COLEC12: variants seen among roughly 807,000 people sequenced by gnomAD.
COLEC12 encodes the protein collectin-12.
Under a neutral mutation model 71.1 loss-of-function variants are expected in COLEC12, and 33 were observed. The observed-to-expected ratio is 0.46, with a 90% CI of 0.35 to 0.62. COLEC12 has a LOEUF of 0.62. Ranked by LOEUF, COLEC12 falls within the 20% of genes least tolerant of loss-of-function variation. The pLI, the probability that COLEC12 is intolerant of heterozygous loss-of-function variation, is 0.00. For synonymous variants in COLEC12, 350 were observed against 353.0 expected (o/e 0.99, Z 0.10); for missense variants, 765 against 916.1 (o/e 0.84, Z 2.13).
At chr18:368,797 C>T (rs549139846) in intron 2 of COLEC12, among the ~76,000 whole-genome samples, 14 of 152,236 alleles carry the variant, frequency 9.2e-5, no homozygotes, top group Admixed American at 2.0e-4. Flanking sequence ...ACCCGGGAGG[C>T]GGAGCTTGCA....
intron 5 of COLEC12, among the ~76,000 whole-genome samples, chr18:343,728 G>A (rs746849014): frequency 3.9e-5 from 6 of 152,062 alleles, no homozygotes; most frequent in Non-Finnish European, 7.3e-5. Flanking sequence ...GCCTGGGCTC[G>A]GATTCCACTG....
intron 1 of COLEC12, among the ~76,000 whole-genome samples, chr18:489,937 G>C (rs1465015036): frequency 1.3e-5 from 2 of 152,194 alleles, no homozygotes; most frequent in African/African-American, 4.8e-5. Flanking sequence ...GAGATACGGG[G>C]GCCATGGCAG....
intron 2 of COLEC12, among the ~76,000 whole-genome samples, chr18:395,595 T>A (rs1915553423): frequency 6.6e-6 from 1 of 152,198 alleles, no homozygotes; most frequent in African/African-American, 2.4e-5. Context: ...GTACTGTACT[T>A]GGGGAAATTA....
intron 2 of COLEC12, among the ~76,000 whole-genome samples, chr18:479,084 T>G (rs947032199): frequency 2.2e-4 from 34 of 152,338 alleles, no homozygotes; most frequent in African/African-American, 7.9e-4. Context: ...CACATTTATT[T>G]TGCCTTATTT....
At chr18:361,726 G>A (rs1157813398) in intron 2 of COLEC12, among the ~76,000 whole-genome samples, 2 of 152,200 alleles carry the variant, frequency 1.3e-5, no homozygotes, top group South Asian at 2.1e-4. Context: ...ATTCCATGCT[G>A]AGAAACCATG....
chr18:376,844 A>T (rs1312093046), intron 2 of COLEC12, among the ~76,000 whole-genome samples: 1 of 152,212 alleles, frequency 6.6e-6, no homozygotes, highest in Non-Finnish European at 1.5e-5. Flanking sequence ...GGCACCTATG[A>T]TTATCATGAA....
intron 2 of COLEC12, among the ~76,000 whole-genome samples, chr18:372,569 C>T (rs1915023800): frequency 6.6e-6 from 1 of 152,052 alleles, no homozygotes; most frequent in Non-Finnish European, 1.5e-5. Flanking sequence ...ATGTGTGCAC[C>T]ACCAGGCCCA....
rs1263631595 is a variant in COLEC12, at chr18:319,337, A to ATATATATATATAT, written c.*707_*708insATATATATATATA. On this transcript the variant is annotated 3_prime_UTR_variant, in exon 10 of 10. Transcript: ENST00000400256. ...ATGAAACATTAAAAAAAAAAAAAAA[A>ATATATATATATAT]AAAAATATATATATATATATATATA... 9 of 36,394 alleles carry ATATATATATATAT rather than the reference A, an allele frequency of 2.5e-4. No homozygotes were observed. Among genetic ancestry groups the ATATATATATATAT allele is most frequent in the Non-Finnish European group, 6.0e-4 (8 of 13,328 alleles). 2.3% of individuals were successfully genotyped at this position (36,394 alleles called of 1,614,324 possible).
At chr18:357,002 G>T (rs983496870) in intron 3 of COLEC12, among the ~76,000 whole-genome samples, 3 of 152,118 alleles carry the variant, frequency 2.0e-5, no homozygotes, top group Non-Finnish European at 2.9e-5. Flanking sequence ...TATCTCTGGA[G>T]ATCTTGTGTT....
chr18:443,092 T>C (rs561531712), intron 2 of COLEC12, among the ~76,000 whole-genome samples: 3 of 152,400 alleles, frequency 2.0e-5, no homozygotes, highest in South Asian at 2.1e-4. Context: ...TGACTGTTCA[T>C]TAATTTTCTA....
chr18:371,950 ACGTGAGTTCTGATG>A (rs1175416109), intron 2 of COLEC12, among the ~76,000 whole-genome samples: 1 of 152,216 alleles, frequency 6.6e-6, no homozygotes, highest in African/African-American at 2.4e-5. Context: ...TCGATCAAGT[ACGTGAGTTCTGATG>A]CAGGCACTGT....
rs770419327 is a variant in COLEC12, at chr18:346,862, CCTT to C, written c.757_759del (p.Lys253del). 6.2e-7 allele frequency: 1 copy of C among 1,614,166 alleles called. No individual in the cohort carries two copies. Among genetic ancestry groups the C allele is most frequent in the Non-Finnish European group, 8.5e-7 (1 of 1,180,000 alleles). Reference sequence around the variant, plus strand: ...ACTTTCTCCTTCAGCCAATCCGTGTCCTTCTTGGCTTGAAGAAAAACCTGCTGC... The same window carrying C: ...ACTTTCTCCTTCAGCCAATCCGTGTCCTTGGCTTGAAGAAAAACCTGCTGC... On this transcript the variant is annotated inframe_deletion, in exon 5 of 10. Coordinates refer to ENST00000400256, the MANE Select transcript of COLEC12 (RefSeq NM_130386.3). The surrounding 1 kb of genome is among the most constrained non-coding windows in gnomAD (Gnocchi z 4.0).
At chr18:415,909 G>A (rs1346867357) in intron 2 of COLEC12, among the ~76,000 whole-genome samples, 1 of 152,196 alleles carries the variant, frequency 6.6e-6, no homozygotes, top group African/African-American at 2.4e-5. Flanking sequence ...ATGCACATCT[G>A]CCTTTCTTCA....
intron 8 of COLEC12, among the ~76,000 whole-genome samples, chr18:323,194 C>A (rs1052318398): frequency 3.3e-5 from 5 of 152,134 alleles, no homozygotes; most frequent in African/African-American, 1.2e-4. Flanking sequence ...CCACTGCACT[C>A]CAGCCTGGGT....
rs112340205 is a variant in COLEC12 at position 404,720 on chromosome 18, C to T, written c.59-47198G>A. Among the ~76,000 whole-genome samples, 798 of 152,236 alleles carry T rather than the reference C, an allele frequency of 5.2e-3. 6 individuals are homozygous for T. The highest frequency in any genetic ancestry group is 0.017 in the African/African-American group (707 of 41,530). On this transcript the variant is annotated intron_variant, in intron 2 of 9. Coordinates refer to ENST00000400256, the MANE Select transcript of COLEC12 (RefSeq NM_130386.3). ...GTTATCTTCATAAGCTGAGGATGTA[C>T]GTCACCTCAAGACCACTGTGATAAT...
chr18:351,206 T>C (rs1384412558), intron 3 of COLEC12, among the ~76,000 whole-genome samples: 3 of 152,026 alleles, frequency 2.0e-5, no homozygotes, highest in Non-Finnish European at 4.4e-5. Context: ...GCTTCTACCG[T>C]CTGGTCATAA....
At chr18:387,225 C>G (rs1915364128) in intron 2 of COLEC12, among the ~76,000 whole-genome samples, 1 of 152,052 alleles carries the variant, frequency 6.6e-6, no homozygotes, top group Non-Finnish European at 1.5e-5. Context: ...ATTTCTTTTT[C>G]CAAGAGGGAT....
intron 1 of COLEC12, among the ~76,000 whole-genome samples, chr18:483,920 C>G (rs1917472572): frequency 6.6e-6 from 1 of 152,204 alleles, no homozygotes; most frequent in Non-Finnish European, 1.5e-5. Context: ...CATCCGTGCC[C>G]TTGGCCAGCT....
At chr18:489,430 A>G (rs548393868) in intron 1 of COLEC12, among the ~76,000 whole-genome samples, 2 of 152,046 alleles carry the variant, frequency 1.3e-5, no homozygotes, top group Non-Finnish European at 2.9e-5. Flanking sequence ...CATGTGTCTG[A>G]GTGTGTGCAT....
Sources: gnomAD v4.1 joint callset for allele counts (sites outside exome capture counted in the v4.1 genomes callset) on GRCh38, gnomAD v4.1.1 for gene constraint, Gnocchi (gnomAD v3.1) non-coding constraint, MANE v1.5 for transcripts, NCBI Gene and HGNC (gene_info 2026-07-23, HGNC 2026-07-21) for gene names.